CEP85L: variants seen among roughly 807,000 people sequenced by gnomAD.
The protein encoded by CEP85L is centrosomal protein of 85 kDa-like.
Under a neutral mutation model 100.3 loss-of-function variants are expected in CEP85L, and 60 were observed. The ratio of observed to expected loss-of-function variants is 0.60; its 90% confidence interval spans 0.49 to 0.74. The LOEUF is 0.74. Ranked by LOEUF, CEP85L falls within the 30% of genes least tolerant of loss-of-function variation. The probability of loss-of-function intolerance (pLI) is 0.00; values close to 1 mark genes in which losing one functional copy is unlikely to be tolerated. For synonymous variants in CEP85L, 319 were observed against 322.7 expected (o/e 0.99, Z 0.12); for missense variants, 973 against 936.2 (o/e 1.04, Z -0.51).
intron 1 of CEP85L, among the ~76,000 whole-genome samples, chr6:118,689,316 C>T (rs1184430678): frequency 7.0e-6 from 1 of 143,750 alleles, no homozygotes; most frequent in East Asian, 1.9e-4. Flanking sequence ...CTGCATGTAA[C>T]TTCACATACA....
At chr6:118,666,270 A>G (rs1237244098) in intron 1 of CEP85L, among the ~76,000 whole-genome samples, 2 of 152,168 alleles carry the variant, frequency 1.3e-5, no homozygotes, top group African/African-American at 4.8e-5. Context: ...GCGGACCTAT[A>G]CAGGTGTTTT....
intron 2 of CEP85L, among the ~76,000 whole-genome samples, chr6:118,592,542 G>A (rs939848486): frequency 1.3e-5 from 2 of 152,012 alleles, no homozygotes; most frequent in Admixed American, 1.3e-4. Flanking sequence ...TCCATTATCA[G>A]AGTCCTGAAA....
chr6:118,546,566 C>T (rs1778215658), intron 3 of CEP85L, among the ~76,000 whole-genome samples: 1 of 152,154 alleles, frequency 6.6e-6, no homozygotes, highest in Admixed American at 6.5e-5. Flanking sequence ...AAAAATTTCT[C>T]AGTTACTATA....
At chr6:118,679,676 T>C (rs1013329885) in intron 1 of CEP85L, among the ~76,000 whole-genome samples, 3 of 152,160 alleles carry the variant, frequency 2.0e-5, no homozygotes, top group Non-Finnish European at 4.4e-5. Context: ...GGTGGGCCTA[T>C]AGGAAACAAA....
intron 7 of CEP85L, among the ~76,000 whole-genome samples, chr6:118,482,875 T>C (rs560468371): frequency 6.6e-6 from 1 of 152,322 alleles, no homozygotes; most frequent in East Asian, 1.9e-4. Context: ...TCTTAAAGTA[T>C]GCAGAGTGAC....
At chr6:118,588,758 C>T (rs1313422672) in intron 2 of CEP85L, among the ~76,000 whole-genome samples, 2 of 152,180 alleles carry the variant, frequency 1.3e-5, no homozygotes, top group African/African-American at 4.8e-5. Context: ...TTCCTATCGC[C>T]TAGAAGCAAT....
At chr6:118,600,101 G>A (rs567100406) in intron 2 of CEP85L, among the ~76,000 whole-genome samples, 42 of 152,118 alleles carry the variant, frequency 2.8e-4, no homozygotes, top group Non-Finnish European at 5.4e-4. Flanking sequence ...ATAAATGGAA[G>A]AGAAGTGGAA....
intron 1 of CEP85L, among the ~76,000 whole-genome samples, chr6:118,696,262 C>G (rs1777206938): frequency 1.4e-5 from 2 of 147,532 alleles, no homozygotes; most frequent in African/African-American, 5.1e-5. Context: ...GAGACTCTGT[C>G]TCAAAAAAAA....
intron 1 of CEP85L, among the ~76,000 whole-genome samples, chr6:118,671,316 T>C (rs1380171159): frequency 6.6e-6 from 1 of 152,206 alleles, no homozygotes; most frequent in African/African-American, 2.4e-5. Context: ...TCTACACTTA[T>C]TTTCTCTTTT....
chr6:118,608,235 C>T (rs958250701), intron 2 of CEP85L, among the ~76,000 whole-genome samples: 1 of 152,180 alleles, frequency 6.6e-6, no homozygotes, highest in Non-Finnish European at 1.5e-5. Context: ...GTGGCTCACA[C>T]CTGTGATCCC....
chr6:118,608,853 AC>A (rs776529480), intron 2 of CEP85L, among the ~76,000 whole-genome samples: 1 of 152,208 alleles, frequency 6.6e-6, no homozygotes, highest in African/African-American at 2.4e-5. Context: ...TGGCTCATAT[AC>A]CATAAATTGG....
intron 4 of CEP85L, among the ~76,000 whole-genome samples, chr6:118,523,287 C>T (rs1260795268): frequency 6.6e-6 from 1 of 152,006 alleles, no homozygotes; most frequent in African/African-American, 2.4e-5. Context: ...AATTTTTTTT[C>T]AGAGCTTAGG....
chr6:118,566,940 A>G (rs186600533), intron 2 of CEP85L, among the ~76,000 whole-genome samples: 3 of 151,980 alleles, frequency 2.0e-5, no homozygotes, highest in African/African-American at 4.8e-5. Context: ...GAAAAATCCA[A>G]CTCCTTACTG....
chr6:118,521,024 A>G (rs1029501763), intron 4 of CEP85L, among the ~76,000 whole-genome samples: 2 of 152,234 alleles, frequency 1.3e-5, no homozygotes, highest in African/African-American at 4.8e-5. Flanking sequence ...TGTGAAAAAA[A>G]ACACATTTTT....
At chr6:118,581,767 A>T (rs1037973813) in intron 2 of CEP85L, among the ~76,000 whole-genome samples, 6 of 152,186 alleles carry the variant, frequency 3.9e-5, no homozygotes, top group Non-Finnish European at 8.8e-5. Flanking sequence ...CTCCTCTGGA[A>T]TGTATTTTAA....
chr6:118,653,805 GAT>G (rs1408799440), upstream of CEP85L, among the ~76,000 whole-genome samples: 1 of 151,516 alleles, frequency 6.6e-6, no homozygotes, highest in African/African-American at 2.4e-5. Flanking sequence ...ATGAAATTAG[GAT>G]ATTTAATGTT....
At chr6:118,473,807 G>C (rs1264117674) in intron 10 of CEP85L, among the ~76,000 whole-genome samples, 1 of 152,126 alleles carries the variant, frequency 6.6e-6, no homozygotes, top group African/African-American at 2.4e-5. Context: ...TGTCAAATGT[G>C]AGGTAAGTGA....
At chr6:118,561,764 G>A (rs1342588626) in intron 3 of CEP85L, among the ~76,000 whole-genome samples, 1 of 151,926 alleles carries the variant, frequency 6.6e-6, no homozygotes, top group African/African-American at 2.4e-5. Context: ...ACGATAAAAC[G>A]CTCTAATTAT....
intron 2 of CEP85L, among the ~76,000 whole-genome samples, chr6:118,601,955 A>C (rs1411965261): frequency 6.6e-6 from 1 of 152,152 alleles, no homozygotes; most frequent in Non-Finnish European, 1.5e-5. Context: ...AGAGTGCCTT[A>C]ACCGTCTGGG....
Sources: gnomAD v4.1 joint callset for allele counts (sites outside exome capture counted in the v4.1 genomes callset) on GRCh38, gnomAD v4.1.1 for gene constraint, MANE v1.5 for transcripts, NCBI Gene and HGNC (gene_info 2026-07-23, HGNC 2026-07-21) for gene names.